The following SCYL3 variants were observed in gnomAD, a reference collection of about 807,000 sequenced individuals.
The protein encoded by SCYL3 is SCY1 like pseudokinase 3, also known as protein-associating with the carboxyl-terminal domain of ezrin.
Under a neutral mutation model 73.8 loss-of-function variants are expected in SCYL3, and 35 were observed. The ratio of observed to expected loss-of-function variants is 0.47; its 90% CI spans 0.36 to 0.63. SCYL3 has a LOEUF of 0.63. Ranked by LOEUF, SCYL3 falls within the 20% of genes least tolerant of loss-of-function variation. SCYL3 has a pLI of 0.00. For missense variants in SCYL3, 712 were observed against 798.9 expected (o/e 0.89, Z 1.31); for synonymous variants, 277 against 295.2 (o/e 0.94, Z 0.63).
At chr1:169,870,996 G>A (rs1456889786) in intron 5 of SCYL3, among the ~76,000 whole-genome samples, 1 of 152,190 alleles carries the variant, frequency 6.6e-6, no homozygotes, top group Non-Finnish European at 1.5e-5. Context: ...AGGAGCATCT[G>A]CTTTTGAATT....
chr1:169,893,926 C>T (rs1006142715), upstream of SCYL3: 3 of 152,528 alleles, frequency 2.0e-5, no homozygotes, highest in Non-Finnish European at 4.4e-5. Context: ...CCGGGTTTCT[C>T]CTACACCATA....
intron 1 of SCYL3, among the ~76,000 whole-genome samples, chr1:169,889,302 A>G (rs1216157663): frequency 6.6e-6 from 1 of 152,248 alleles, no homozygotes; most frequent in Non-Finnish European, 1.5e-5. Context: ...TTATAAAGGA[A>G]AACAATACAA....
Position 169,849,681 on chromosome 1 carries a change from C to A in SCYL3, c.*4032G>T. 1.7e-6 allele frequency: 2 copies of A among 1,167,652 alleles called. No individual in the cohort carries two copies. Among genetic ancestry groups the A allele is most frequent in the South Asian group, 1.3e-5 (1 of 76,720 alleles). 72.3% of individuals were successfully genotyped at this position (1,167,652 alleles called of 1,614,324 possible). A position where few individuals can be genotyped will look rare whatever the true frequency, so the allele number is the denominator to read the frequency against. ...CAAATATTCCAGAACAATCCCAAAA[C>A]ATTTATTGAACTGCTTCTGTATTGC... On this transcript the variant is annotated 3_prime_UTR_variant, in exon 13 of 13. Transcript: ENST00000367771.
At chr1:169,886,199 T>C (rs768847243) in intron 2 of SCYL3, among the ~76,000 whole-genome samples, 2 of 151,998 alleles carry the variant, frequency 1.3e-5, no homozygotes, top group Non-Finnish European at 2.9e-5. Flanking sequence ...TAATCCCAGC[T>C]ACGTGGGATG....
At chr1:169,876,123 C>A in intron 3 of SCYL3, 32 bp from the exon 4 acceptor site, 1 of 1,243,990 alleles carries the variant, frequency 8.0e-7, no homozygotes, top group South Asian at 1.4e-5. Flanking sequence ...AGGAAGAGTG[C>A]CACTCCAGGA....
chr1:169,858,840 G>A (rs1323079712), intron 11 of SCYL3, among the ~76,000 whole-genome samples: 1 of 151,706 alleles, frequency 6.6e-6, no homozygotes, highest in Non-Finnish European at 1.5e-5. Flanking sequence ...ATATATCTGT[G>A]TGTCTTTTTG....
intron 2 of SCYL3, among the ~76,000 whole-genome samples, chr1:169,888,344 C>G (rs1661819535): frequency 6.6e-6 from 1 of 152,200 alleles, no homozygotes; most frequent in South Asian, 2.1e-4. Context: ...CTGCATTTTG[C>G]TAGACGAGAT....
Position 169,855,737 on chromosome 1 carries a change from A to T in SCYL3, c.1313-773T>A, listed in dbSNP as rs934997913. On this transcript the variant is annotated intron_variant, in intron 11 of 12. Coordinates refer to ENST00000367771, the MANE Select transcript of SCYL3 (RefSeq NM_020423.7). ...CTCCCAAAACACCCATAAGCTTATT[A>T]GTCTCAGGAAAACATTCATCCAAGC... 5 of 1,496,128 alleles carry T rather than the reference A, an allele frequency of 3.3e-6. No homozygotes were observed. In the African/African-American group the frequency reaches 7.0e-5, roughly 21 times the overall value. 92.7% of individuals were successfully genotyped at this position (1,496,128 alleles called of 1,614,324 possible).
intron 7 of SCYL3, among the ~76,000 whole-genome samples, chr1:169,868,059 C>CA (rs1660156481): frequency 1.3e-5 from 2 of 152,084 alleles, no homozygotes; most frequent in African/African-American, 4.8e-5. Flanking sequence ...AAAACATCCT[C>CA]AAAAAAGACG....
rs149664958 is a variant in SCYL3 at position 169,854,639 on chromosome 1, C to A, written c.1638G>T (p.Lys546Asn). The A allele has an allele frequency of 1.2e-6, 2 of 1,613,972 alleles. No individual in the cohort carries two copies. The highest frequency in any genetic ancestry group is 2.7e-5 in the African/African-American group (2 of 74,892). Residue 546 changes from lysine to asparagine, a missense_variant, in exon 12 of 13, where the codon AAG (lysine) becomes AAT (asparagine). Physicochemically the swap from Lys to Asn is moderately conservative, Grantham distance 94. Coordinates refer to ENST00000367771, the MANE Select transcript of SCYL3 (RefSeq NM_020423.7). The part of the protein sequence containing the change: ...ATKPVTSGEQ[K>N]PIPALLSLTE... ...TGAGTGAAAGCAAAGCAGGAATAGG[C>A]TTCTGCTCCCCTGAGGTAACAGGTT...
At chr1:169,857,139 A>G (rs1659245878) in intron 11 of SCYL3, among the ~76,000 whole-genome samples, 1 of 152,244 alleles carries the variant, frequency 6.6e-6, no homozygotes, top group African/African-American at 2.4e-5. Flanking sequence ...TGCAGTATCT[A>G]AAAGGCAACA....
intron 10 of SCYL3, among the ~76,000 whole-genome samples, chr1:169,861,657 A>T (rs951591869): frequency 2.6e-5 from 4 of 152,252 alleles, no homozygotes; most frequent in Non-Finnish European, 5.9e-5. Flanking sequence ...CGGATGACTG[A>T]AACATGTCCC....
Position 169,853,658 on chromosome 1 carries a change from G to A in SCYL3, c.*55C>T. ...TCCCAAAGCCTGCTTTTGAGGTATT[G>A]ATTTTTTTTAAAAAAAGGGAATCCT... On this transcript the variant is annotated 3_prime_UTR_variant, in exon 13 of 13. Transcript: ENST00000367771. 6.3e-7 allele frequency: 1 copy of A among 1,585,776 alleles called. No homozygotes were observed.
In SCYL3 at chr1:169,878,647, A is replaced by C; in HGVS notation, c.338T>G (p.Phe113Cys). Reference protein sequence around the residue: ...GIYDILLALIFLHDRGHLTHN... With the variant: ...GIYDILLALICLHDRGHLTHN... Reference sequence around the variant, plus strand: ...CAGGTTACTTACTCTGTCATGAAGGAAGATAAGAGCCAGCAATATGTCATA... The same window carrying C: ...CAGGTTACTTACTCTGTCATGAAGGCAGATAAGAGCCAGCAATATGTCATA... Residue 113 changes from phenylalanine to cysteine, a missense_variant, in exon 3 of 13, where the codon TTC becomes TGC. By Grantham distance (205) the Phe-to-Cys change is radical (BLOSUM62 -2). Transcript: ENST00000367771. 6.2e-7 allele frequency: 1 copy of C among 1,612,166 alleles called. No individual in the cohort carries two copies. Among genetic ancestry groups the C allele is most frequent in the Non-Finnish European group, 8.5e-7 (1 of 1,179,344 alleles).
At chr1:169,877,365 C>T (rs1054985501) in intron 3 of SCYL3, among the ~76,000 whole-genome samples, 7 of 151,924 alleles carry the variant, frequency 4.6e-5, no homozygotes, top group Non-Finnish European at 1.0e-4. Flanking sequence ...GCCATGTTGC[C>T]CAGGCTGGTC....
intron 9 of SCYL3, among the ~76,000 whole-genome samples, chr1:169,863,886 CTGT>C (rs1216245227): frequency 6.6e-6 from 1 of 152,102 alleles, no homozygotes. Context: ...ATTCTCTCAT[CTGT>C]TGTTACCATC....
At chr1:169,894,072 C>T (rs1662284094), upstream of SCYL3, 1 of 152,250 alleles carries the variant, frequency 6.6e-6, no homozygotes, top group Non-Finnish European at 1.5e-5. Flanking sequence ...GTGTGGGCGC[C>T]GCGACGATAC....
chr1:169,884,642 C>G (rs1425800939), intron 2 of SCYL3, among the ~76,000 whole-genome samples: 2 of 152,054 alleles, frequency 1.3e-5, no homozygotes, highest in Non-Finnish European at 2.9e-5. Flanking sequence ...AATTATGTAG[C>G]CTCCCTCATA....
intron 12 of SCYL3, 86 bp from the exon 13 acceptor site, chr1:169,853,858 A>AAATTT (rs1372789466): frequency 1.2e-5 from 17 of 1,476,040 alleles, no homozygotes; most frequent in African/African-American, 4.2e-5. Flanking sequence ...CAGGAATTTA[A>AAATTT]AATTTATCTT....
Sources: allele counts gnomAD v4.1 joint callset (sites outside exome capture counted in the v4.1 genomes callset), GRCh38; gene constraint gnomAD v4.1.1; transcripts MANE v1.5; gene names NCBI Gene and HGNC (gene_info 2026-07-23, HGNC 2026-07-21).